Variants in MAGI2 observed in about 807,000 individuals in gnomAD.
MAGI2 encodes the protein membrane-associated guanylate kinase, WW and PDZ domain-containing protein 2.
MAGI2 carries 35 observed loss-of-function variants against 133.3 expected under a neutral mutation model. That is an observed-to-expected ratio of 0.26 (90% CI 0.20 to 0.35). The LOEUF (loss-of-function observed/expected upper bound fraction) is 0.35, where lower values mean the gene tolerates loss of function less well. Ranked by LOEUF, MAGI2 falls within the 10% of genes least tolerant of loss-of-function variation. The pLI is 1.00. For missense variants in MAGI2, 1,636 were observed against 1,863.4 expected (o/e 0.88, Z 2.25); for synonymous variants, 729 against 710.6 (o/e 1.03, Z -0.41).
chr7:79,430,504 T>C (rs1333585136), intron 1 of MAGI2, among the ~76,000 whole-genome samples: 2 of 152,140 alleles, frequency 1.3e-5, no homozygotes, highest in Non-Finnish European at 2.9e-5. Flanking sequence ...TAAAGAAACA[T>C]GGAGAAACAA....
intron 2 of MAGI2, among the ~76,000 whole-genome samples, chr7:78,864,081 A>G (rs1794361696): frequency 6.6e-6 from 1 of 152,200 alleles, no homozygotes; most frequent in African/African-American, 2.4e-5. Context: ...CAGTTACACA[A>G]TATATTTTTG....
intron 2 of MAGI2, among the ~76,000 whole-genome samples, chr7:78,728,843 G>GTA (rs1563420170): frequency 8.0e-6 from 1 of 124,492 alleles, no homozygotes; most frequent in Non-Finnish European, 1.8e-5. Flanking sequence ...GGGATTACAG[G>GTA]CGTGAGCCAC....
At position 78,731,956 on chromosome 7, in the gene MAGI2, T is replaced by C. The variant is rs755489170; in HGVS notation, c.419-104717A>G. On this transcript the variant is annotated intron_variant, in intron 2 of 21. Transcript: ENST00000354212. ...CTAATCCACATACTCCAGGCCAACA[T>C]TCCAGGCTTGAAGTGAAAAGGTGAA... 2.0e-5 allele frequency among the ~76,000 whole-genome samples: 3 copies of C among 152,106 alleles called. 1 individual carries two copies. The highest frequency in any genetic ancestry group is 2.0e-4 in the Admixed American group (3 of 15,258).
At chr7:78,837,400 T>G (rs1791729731) in intron 2 of MAGI2, among the ~76,000 whole-genome samples, 1 of 152,158 alleles carries the variant, frequency 6.6e-6, no homozygotes, top group African/African-American at 2.4e-5. Flanking sequence ...CTTTATAAAT[T>G]TTCTTATGTT....
rs1199839799 is a variant in MAGI2, at chr7:78,256,475, C to T, written c.1515G>A (p.Val505=). 23 of 1,613,798 alleles carry T rather than the reference C, an allele frequency of 1.4e-5. No homozygotes were observed. Among genetic ancestry groups the T allele is most frequent in the Non-Finnish European group, 1.9e-5 (23 of 1,179,964 alleles). ...AGGGCAAAGGGTAGCCACGACACAA[C>T]ACCAGGTTGACACTCTGACCAATAG... The part of the protein sequence containing the change: ...SVPIGQSVNL[V]LCRGYPLPFD... Residue 505 remains valine, a synonymous_variant, in exon 10 of 22, where the codon GTG becomes GTA. Coordinates refer to ENST00000354212, the MANE Select transcript of MAGI2 (RefSeq NM_012301.4).
At chr7:78,975,168 C>T (rs934596014) in intron 2 of MAGI2, among the ~76,000 whole-genome samples, 4 of 151,686 alleles carry the variant, frequency 2.6e-5, no homozygotes, top group African/African-American at 7.3e-5. Flanking sequence ...AATAGCACCA[C>T]GAATCAGTTT....
rs375681839 is a variant in MAGI2, at chr7:78,963,779, G to T, written c.418+43311C>A. Among the ~76,000 whole-genome samples the T allele has an allele frequency of 1.1e-4, 16 of 152,004 alleles. No homozygotes were observed. The South Asian group carries it at 2.7e-3, about 26-fold the overall frequency. On this transcript the variant is annotated intron_variant, in intron 2 of 21. Coordinates refer to ENST00000354212, the MANE Select transcript of MAGI2 (RefSeq NM_012301.4). ...ATAATGGAATAGGTATACAGATAAA[G>T]AACAATAGATTAAAACTAGGAGACC...
At position 79,416,435 on chromosome 7, in the gene MAGI2, A is replaced by C. The variant is rs532193255; in HGVS notation, c.301+36585T>G. On this transcript the variant is annotated intron_variant, in intron 1 of 21. Coordinates refer to ENST00000354212, the MANE Select transcript of MAGI2 (RefSeq NM_012301.4). ...ACATTTACAAAACATCTTTAAGATAATCAGGGAAATTTGAATATGGACCAA... is the reference window on the plus strand; with the variant it reads ...ACATTTACAAAACATCTTTAAGATACTCAGGGAAATTTGAATATGGACCAA... Among the ~76,000 whole-genome samples the C allele has an allele frequency of 3.3e-5, 5 of 152,212 alleles. No individual in the cohort carries two copies. In the South Asian group the frequency reaches 1.0e-3, roughly 32 times the overall value.
intron 2 of MAGI2, among the ~76,000 whole-genome samples, chr7:78,970,618 G>C (rs1050641096): frequency 6.6e-6 from 1 of 152,052 alleles, no homozygotes; most frequent in Non-Finnish European, 1.5e-5. Flanking sequence ...AAAGGATAAA[G>C]AAGACTAAAG....
intron 2 of MAGI2, among the ~76,000 whole-genome samples, chr7:79,004,299 T>C (rs762266982): frequency 6.6e-6 from 1 of 152,176 alleles, no homozygotes; most frequent in Non-Finnish European, 1.5e-5. Flanking sequence ...AATCCTGTCA[T>C]TTGCAGCAAC....
intron 6 of MAGI2, among the ~76,000 whole-genome samples, chr7:78,449,925 T>C (rs769425004): frequency 7.9e-5 from 12 of 152,118 alleles, no homozygotes; most frequent in Non-Finnish European, 1.3e-4. Context: ...TCATAGCATA[T>C]TTTACAGGCT....
At position 78,114,060 on chromosome 7, in the gene MAGI2, C is replaced by T. The variant is rs75694801; in HGVS notation, c.3567+11634G>A. 3.8e-3 allele frequency among the ~76,000 whole-genome samples: 574 copies of T among 152,280 alleles called. 10 individuals are homozygous for T. The South Asian group carries it at 0.043, about 11-fold the overall frequency. ...CCCTGACAGGGTAACTTGTTCAGGT[C>T]AGAGCTAGACAGCCAGTGAGTTGTT... On this transcript the variant is annotated intron_variant, in intron 20 of 21. Transcript: ENST00000354212.
At chr7:78,443,997 A>C (rs1320275946) in intron 6 of MAGI2, among the ~76,000 whole-genome samples, 3 of 152,074 alleles carry the variant, frequency 2.0e-5, no homozygotes. Context: ...CTTGAGCGCC[A>C]CTAGAGTGTA....
At chr7:78,560,697 G>A (rs1584637517) in intron 3 of MAGI2, among the ~76,000 whole-genome samples, 2 of 152,136 alleles carry the variant, frequency 1.3e-5, no homozygotes, top group East Asian at 3.9e-4. Flanking sequence ...AGGCAGAGCT[G>A]GGTTTGAATT....
At chr7:79,048,898 G>C (rs2116970082) in intron 1 of MAGI2, among the ~76,000 whole-genome samples, 1 of 152,342 alleles carries the variant, frequency 6.6e-6, no homozygotes, top group South Asian at 2.1e-4. Context: ...TGAGGCAGGA[G>C]AATCACTTGA....
intron 1 of MAGI2, among the ~76,000 whole-genome samples, chr7:79,083,957 A>G (rs943046566): frequency 2.6e-5 from 4 of 151,688 alleles, no homozygotes; most frequent in Non-Finnish European, 5.9e-5. Flanking sequence ...TTAACACACT[A>G]TTGTTCATTC....
chr7:79,172,329 T>C (rs1161963959), intron 1 of MAGI2, among the ~76,000 whole-genome samples: 1 of 152,092 alleles, frequency 6.6e-6, no homozygotes, highest in Admixed American at 6.6e-5. Flanking sequence ...ACCTTACTTG[T>C]TAGTTATAGC....
intron 9 of MAGI2, among the ~76,000 whole-genome samples, chr7:78,313,680 A>T (rs1798916607): frequency 6.6e-6 from 1 of 151,890 alleles, no homozygotes; most frequent in Admixed American, 6.6e-5. Context: ...TTGTCTGTGT[A>T]TTATTAAGCT....
intron 3 of MAGI2, among the ~76,000 whole-genome samples, chr7:78,585,513 G>T (rs2362640): frequency 0.43 from 64,781 of 151,880 alleles, 14,399 homozygotes; most frequent in East Asian, 0.75. Flanking sequence ...CATAGGAACC[G>T]GGGGGACTGT....
Sources: allele counts gnomAD v4.1 joint callset (sites outside exome capture counted in the v4.1 genomes callset), GRCh38; gene constraint gnomAD v4.1.1; transcripts MANE v1.5; gene names NCBI Gene and HGNC (gene_info 2026-07-23, HGNC 2026-07-21).